FRMD4B: variants seen among roughly 807,000 people sequenced by gnomAD.
FRMD4B encodes the protein FERM domain-containing protein 4B.
A neutral mutation model predicts 141.5 loss-of-function variants in FRMD4B; 74 were observed. That is an observed-to-expected ratio of 0.52 (90% CI 0.43 to 0.63). The LOEUF is 0.63. Among genes scored for constraint, FRMD4B ranks in the 30% least tolerant of loss-of-function variants. FRMD4B has a pLI of 0.00. For missense variants in FRMD4B, 1,366 were observed against 1,253.4 expected (o/e 1.09, Z -1.36); for synonymous variants, 506 against 467.9 (o/e 1.08, Z -1.05).
chr3:69,179,489 C>G (rs75557262), intron 21 of FRMD4B, among the ~76,000 whole-genome samples: 1 of 152,232 alleles, frequency 6.6e-6, no homozygotes, highest in South Asian at 2.1e-4. Context: ...TTACCGAAGC[C>G]CTTTCATATG....
intron 1 of FRMD4B, among the ~76,000 whole-genome samples, chr3:69,321,545 A>T (rs886701256): frequency 1.3e-5 from 2 of 152,176 alleles, no homozygotes; most frequent in African/African-American, 4.8e-5. Flanking sequence ...TGAGCCCTAC[A>T]GTGGTCCAAA....
In FRMD4B at chr3:69,196,353, T is replaced by C; in HGVS notation, c.1136A>G (p.Asp379Gly). ...CCTTTGTGTTCCTGTCTCTGTCAAATCCATTGCAATCTCATCTAAACTCCT... is the reference window on the plus strand; with the variant it reads ...CCTTTGTGTTCCTGTCTCTGTCAAACCCATTGCAATCTCATCTAAACTCCT... ...SARSLDEIAM[D>G]LTETGTQRAS... Residue 379 changes from aspartate (D) to glycine (G), a missense_variant, in exon 14 of 23, where the codon GAT becomes GGT. Asp to Gly is a moderately conservative substitution (Grantham distance 94). Coordinates refer to ENST00000398540, the MANE Select transcript of FRMD4B (RefSeq NM_015123.3). The C allele has an allele frequency of 6.2e-7, 1 of 1,611,978 alleles. No homozygotes were observed. The highest frequency in any genetic ancestry group is 1.7e-5 in the Admixed American group (1 of 59,504).
chr3:69,502,434 G>A (rs939254964), intron 1 of FRMD4B, among the ~76,000 whole-genome samples: 10 of 152,126 alleles, frequency 6.6e-5, no homozygotes, highest in African/African-American at 2.4e-4. Flanking sequence ...AATGGGGAAA[G>A]GATTCCCTAT....
At chr3:69,297,320 C>T (rs1406185810) in intron 4 of FRMD4B, among the ~76,000 whole-genome samples, 5 of 152,064 alleles carry the variant, frequency 3.3e-5, no homozygotes, top group Non-Finnish European at 4.4e-5. Flanking sequence ...AGTCTGCCTC[C>T]GGGTTTCCTA....
At chr3:69,267,825 A>G (rs1326982739) in intron 5 of FRMD4B, among the ~76,000 whole-genome samples, 2 of 149,218 alleles carry the variant, frequency 1.3e-5, no homozygotes, top group Non-Finnish European at 2.9e-5. Context: ...TAGAGATGAG[A>G]TTTCATCATG....
chr3:69,474,868 A>G (rs1049908708), intron 1 of FRMD4B, among the ~76,000 whole-genome samples: 3 of 152,160 alleles, frequency 2.0e-5, no homozygotes, highest in Admixed American at 6.5e-5. Context: ...ATAAAATGCT[A>G]TCAAAGGGGA....
chr3:69,179,871 T>C (rs1424294783), intron 21 of FRMD4B, among the ~76,000 whole-genome samples: 1 of 152,184 alleles, frequency 6.6e-6, no homozygotes, highest in Non-Finnish European at 1.5e-5. Flanking sequence ...ATCTTGAATG[T>C]GGCTGCTCAT....
At chr3:69,314,138 C>CAAAAAAAAAAAAAA (rs57956106) in intron 1 of FRMD4B, among the ~76,000 whole-genome samples, 1 of 13,176 alleles carries the variant, frequency 7.6e-5, no homozygotes, top group Non-Finnish European at 1.2e-4. Context: ...GACTCCGTCT[C>CAAAAAAAAAAAAAA]AAAAAAAAAA....
chr3:69,239,215 T>A (rs2093365238), intron 7 of FRMD4B, among the ~76,000 whole-genome samples: 1 of 152,188 alleles, frequency 6.6e-6, no homozygotes, highest in Non-Finnish European at 1.5e-5. Flanking sequence ...ACAGGATTGG[T>A]GTCAGCCTTT....
intron 1 of FRMD4B, among the ~76,000 whole-genome samples, chr3:69,317,375 G>C (rs1452127855): frequency 6.6e-6 from 1 of 152,122 alleles, no homozygotes; most frequent in East Asian, 1.9e-4. Flanking sequence ...AAACTTGGTT[G>C]TTTATGGGCA....
At chr3:69,200,857 G>C (rs1299613174) in intron 11 of FRMD4B, 1 of 465,414 alleles carries the variant, frequency 2.1e-6, no homozygotes, top group Non-Finnish European at 4.3e-6. Flanking sequence ...ATGCAGCTCA[G>C]CTGTGTTTTC....
At chr3:69,502,926 A>G (rs1304111396) in intron 1 of FRMD4B, among the ~76,000 whole-genome samples, 1 of 152,246 alleles carries the variant, frequency 6.6e-6, no homozygotes, top group African/African-American at 2.4e-5. Context: ...CAACAGACAC[A>G]TGAAAAAATG....
chr3:69,357,953 A>C (rs976574821), intron 1 of FRMD4B, among the ~76,000 whole-genome samples: 5 of 152,236 alleles, frequency 3.3e-5, no homozygotes, highest in African/African-American at 1.2e-4. Flanking sequence ...ATACATGCAG[A>C]GGCCTTACAA....
intron 2 of FRMD4B, among the ~76,000 whole-genome samples, chr3:69,407,190 C>T (rs1704663443): frequency 6.6e-6 from 1 of 152,082 alleles, no homozygotes; most frequent in Non-Finnish European, 1.5e-5. Flanking sequence ...CACTCCAGCC[C>T]CTGGCAATAC....
chr3:69,324,717 T>C (rs921561031), intron 1 of FRMD4B, among the ~76,000 whole-genome samples: 1 of 152,204 alleles, frequency 6.6e-6, no homozygotes, highest in African/African-American at 2.4e-5. Flanking sequence ...GGCTCTGAAG[T>C]AGATAAACTG....
chr3:69,304,933 T>C (rs1168192035), intron 3 of FRMD4B, among the ~76,000 whole-genome samples: 8 of 152,238 alleles, frequency 5.3e-5, no homozygotes, highest in Admixed American at 5.2e-4. Context: ...GTATTCATTA[T>C]AAGTAGACAG....
chr3:69,203,287 T>C (rs954246822), intron 11 of FRMD4B, among the ~76,000 whole-genome samples: 4 of 128,604 alleles, frequency 3.1e-5, no homozygotes, highest in Non-Finnish European at 6.2e-5. Context: ...TTATAATGGT[T>C]CCTAAATATC....
In FRMD4B at chr3:69,171,927, G is replaced by A. The variant is rs1328185115; in HGVS notation, c.3039C>T (p.Asp1013=). Residue 1013 remains aspartate, a synonymous_variant, in exon 23 of 23, where the codon GAC becomes GAT. Transcript: ENST00000398540. ...GTCTCTGCTCACTACTCTCCAGGTTGTCTTCCAGCTGGTTTCCATCTGTAC... is the reference window on the plus strand; with the variant it reads ...GTCTCTGCTCACTACTCTCCAGGTTATCTTCCAGCTGGTTTCCATCTGTAC... ...LDGTDGNQLE[D]NLESSEQRLF... 6.2e-7 allele frequency: 1 copy of A among 1,612,578 alleles called. No homozygotes were observed. Among genetic ancestry groups the A allele is most frequent in the South Asian group, 1.1e-5 (1 of 91,060 alleles).
intron 1 of FRMD4B, among the ~76,000 whole-genome samples, chr3:69,504,588 G>C (rs1706564314): frequency 6.6e-6 from 1 of 152,072 alleles, no homozygotes; most frequent in South Asian, 2.1e-4. Flanking sequence ...TTTGTGTCTG[G>C]CCTCTTTCAG....
Sources: allele counts gnomAD v4.1 joint callset (sites outside exome capture counted in the v4.1 genomes callset), GRCh38; gene constraint gnomAD v4.1.1; transcripts MANE v1.5; gene names NCBI Gene and HGNC (gene_info 2026-07-23, HGNC 2026-07-21).